The following XKR9 variants were observed in gnomAD, a reference collection of about 807,000 sequenced individuals.
XKR9 encodes the protein XK related 9.
Under a neutral mutation model 32.0 loss-of-function variants are expected in XKR9, and 32 were observed. That is an observed-to-expected ratio of 1.00 (90% CI 0.76 to 1.34). The LOEUF is 1.34. Among genes scored for constraint, XKR9 ranks in the 40% most tolerant of loss-of-function variants. The pLI is 0.00. For missense variants in XKR9, 546 were observed against 429.7 expected (o/e 1.27, Z -2.39); for synonymous variants, 168 against 143.4 (o/e 1.17, Z -1.22).
At chr8:70,698,572 T>G (rs1805382835) in intron 3 of XKR9, among the ~76,000 whole-genome samples, 1 of 152,208 alleles carries the variant, frequency 6.6e-6, no homozygotes, top group Non-Finnish European at 1.5e-5. Context: ...ATTTCTGTTC[T>G]TTTACATTTG....
chr8:70,800,579 G>A, the XKR9 span, among the ~76,000 whole-genome samples: 2 of 152,094 alleles, frequency 1.3e-5, no homozygotes, highest in Non-Finnish European at 1.5e-5. Flanking sequence ...TTTGCCTCCT[G>A]GGCTCAAGTG....
intron 3 of XKR9, among the ~76,000 whole-genome samples, chr8:70,699,219 G>A (rs1292798850): frequency 6.6e-6 from 1 of 152,140 alleles, no homozygotes; most frequent in Non-Finnish European, 1.5e-5. Context: ...ATTTGATCCT[G>A]TCATTATGAT....
At chr8:70,841,018 T>C in the XKR9 span, among the ~76,000 whole-genome samples, 7 of 152,316 alleles carry the variant, frequency 4.6e-5, no homozygotes, top group East Asian at 1.3e-3. Flanking sequence ...TCATTATGTT[T>C]CCATTTTACA....
the XKR9 span, among the ~76,000 whole-genome samples, chr8:70,983,747 A>G: frequency 6.6e-6 from 1 of 152,034 alleles, no homozygotes; most frequent in African/African-American, 2.4e-5. Context: ...CACCATCGCA[A>G]TCTGGCCTGG....
the XKR9 span, among the ~76,000 whole-genome samples, chr8:71,017,597 G>C: frequency 6.6e-6 from 1 of 152,096 alleles, no homozygotes; most frequent in East Asian, 1.9e-4. Context: ...GGGTGTTGAT[G>C]GTTTAGCAGA....
chr8:71,050,025 T>C, the XKR9 span, among the ~76,000 whole-genome samples: 46 of 152,110 alleles, frequency 3.0e-4, no homozygotes, highest in African/African-American at 1.1e-3. Flanking sequence ...TTATTCCAGA[T>C]CGAGGCAGCA....
At chr8:71,009,684 T>C in the XKR9 span, among the ~76,000 whole-genome samples, 3 of 152,134 alleles carry the variant, frequency 2.0e-5, no homozygotes, top group Non-Finnish European at 2.9e-5. Context: ...AGGGAAGCAG[T>C]TCCTTTCACT....
At chr8:70,994,357 G>A in the XKR9 span, among the ~76,000 whole-genome samples, 1 of 151,702 alleles carries the variant, frequency 6.6e-6, no homozygotes, top group East Asian at 1.9e-4. Context: ...CTTCACTATC[G>A]ATAGATAATT....
chr8:70,948,705 G>C, the XKR9 span, among the ~76,000 whole-genome samples: 1 of 152,174 alleles, frequency 6.6e-6, no homozygotes, highest in African/African-American at 2.4e-5. Context: ...GCATTATTAA[G>C]AAATTTCTGG....
intron 3 of XKR9, among the ~76,000 whole-genome samples, chr8:70,684,347 C>A (rs1417276261): frequency 1.3e-5 from 2 of 151,974 alleles, no homozygotes; most frequent in Non-Finnish European, 2.9e-5. Flanking sequence ...TTTAAAAATT[C>A]TTATTTTTGA....
At chr8:71,045,858 C>G in the XKR9 span, among the ~76,000 whole-genome samples, 2 of 152,122 alleles carry the variant, frequency 1.3e-5, no homozygotes, top group Non-Finnish European at 2.9e-5. Flanking sequence ...AGTGGATATC[C>G]TCAAGCATGG....
intron 3 of XKR9, among the ~76,000 whole-genome samples, chr8:70,691,645 C>G (rs890052722): frequency 6.6e-6 from 1 of 152,132 alleles, no homozygotes; most frequent in Non-Finnish European, 1.5e-5. Context: ...AGTCATTTAT[C>G]CTAGCTCTAT....
chr8:70,813,460 G>T, the XKR9 span, among the ~76,000 whole-genome samples: 5 of 152,244 alleles, frequency 3.3e-5, no homozygotes, highest in East Asian at 9.6e-4. Flanking sequence ...TTAAACTAAA[G>T]AGCTTCTGCA....
chr8:70,993,065 C>T, the XKR9 span, among the ~76,000 whole-genome samples: 1 of 152,172 alleles, frequency 6.6e-6, no homozygotes, highest in African/African-American at 2.4e-5. Context: ...TTTTAGTCCT[C>T]CAATTGCCTA....
chr8:70,820,194 A>G, the XKR9 span, among the ~76,000 whole-genome samples: 1 of 152,208 alleles, frequency 6.6e-6, no homozygotes, highest in African/African-American at 2.4e-5. Context: ...TAAGGATAGT[A>G]AGAGACACAG....
At chr8:70,727,327 G>GTTT (rs34535585) in intron 4 of XKR9, among the ~76,000 whole-genome samples, 1 of 143,088 alleles carries the variant, frequency 7.0e-6, no homozygotes. Flanking sequence ...AAGAAGACAA[G>GTTT]TTTTTTTTTT....
the XKR9 span, among the ~76,000 whole-genome samples, chr8:70,842,959 AAAG>A: frequency 2.0e-5 from 3 of 152,242 alleles, no homozygotes; most frequent in African/African-American, 7.2e-5. Flanking sequence ...AGAAGAAAAA[AAAG>A]AAGAATGGAG....
At chr8:70,927,719 C>A in the XKR9 span, among the ~76,000 whole-genome samples, 1 of 152,134 alleles carries the variant, frequency 6.6e-6, no homozygotes, top group African/African-American at 2.4e-5. Flanking sequence ...CTGTTGATAC[C>A]ACCACACTGA....
chr8:70,764,942 A>G (rs1041904940), intron 2 of XKR9, among the ~76,000 whole-genome samples: 1 of 152,204 alleles, frequency 6.6e-6, no homozygotes, highest in Non-Finnish European at 1.5e-5. Flanking sequence ...CTATGGCTGA[A>G]TAGTATTCCA....
Sources: allele counts gnomAD v4.1 joint callset (sites outside exome capture counted in the v4.1 genomes callset), GRCh38; gene constraint gnomAD v4.1.1; transcripts MANE v1.5; gene names NCBI Gene and HGNC (gene_info 2026-07-23, HGNC 2026-07-21).